The following SDK1 variants were observed in gnomAD, a reference collection of about 807,000 sequenced individuals.
The protein encoded by SDK1 is sidekick cell adhesion molecule 1, also known as protein sidekick-1.
In SDK1, 157 loss-of-function variants were observed where a neutral mutation model predicts 245.5. The observed-to-expected ratio is 0.64, with a 90% confidence interval of 0.56 to 0.73. SDK1 has a LOEUF of 0.73. Ranked by LOEUF, SDK1 falls within the 30% of genes least tolerant of loss-of-function variation. SDK1 has a pLI of 0.00. For missense variants in SDK1, 3,583 were observed against 3,002.3 expected (o/e 1.19, Z -4.52); for synonymous variants, 1,647 against 1,278.5 (o/e 1.29, Z -6.15).
At chr7:4,259,167 A>G (rs1471472175) in intron 44 of SDK1, among the ~76,000 whole-genome samples, 1 of 152,200 alleles carries the variant, frequency 6.6e-6, no homozygotes, top group African/African-American at 2.4e-5. Context: ...GGCCAGGTGC[A>G]GGGGCTCACA....
chr7:4,261,994 A>T (rs1354025048), intron 44 of SDK1, among the ~76,000 whole-genome samples: 2 of 145,672 alleles, frequency 1.4e-5, no homozygotes, highest in African/African-American at 5.1e-5. Context: ...GGAAAAAAAA[A>T]TCAATTTCAC....
At chr7:3,354,911 A>T (rs1001524538) in intron 1 of SDK1, among the ~76,000 whole-genome samples, 1 of 152,232 alleles carries the variant, frequency 6.6e-6, no homozygotes, top group East Asian at 1.9e-4. Context: ...GTAACAATAG[A>T]TGCTTAAAAT....
At chr7:3,947,587 G>A (rs1271304931) in intron 5 of SDK1, among the ~76,000 whole-genome samples, 1 of 148,158 alleles carries the variant, frequency 6.7e-6, no homozygotes, top group Non-Finnish European at 1.5e-5. Flanking sequence ...TGTAAACATG[G>A]GGTTTCACTA....
intron 1 of SDK1, among the ~76,000 whole-genome samples, chr7:3,355,635 C>T (rs1383444418): frequency 1.3e-5 from 2 of 152,174 alleles, no homozygotes; most frequent in East Asian, 3.8e-4. Flanking sequence ...GAAATAGAAG[C>T]CATCACTGGG....
At chr7:3,891,801 A>G (rs1024359373) in intron 5 of SDK1, among the ~76,000 whole-genome samples, 1 of 152,226 alleles carries the variant, frequency 6.6e-6, no homozygotes, top group East Asian at 1.9e-4. Context: ...TTCACGGCCA[A>G]CCTTAATTTG....
chr7:3,529,802 A>G (rs770064188), intron 1 of SDK1, among the ~76,000 whole-genome samples: 7 of 152,168 alleles, frequency 4.6e-5, no homozygotes, highest in East Asian at 1.9e-4. Context: ...GGGGTGGGCT[A>G]TGCTCACATC....
intron 15 of SDK1, among the ~76,000 whole-genome samples, chr7:4,011,416 C>G (rs1785952266): frequency 6.6e-6 from 1 of 152,206 alleles, no homozygotes; most frequent in Non-Finnish European, 1.5e-5. Flanking sequence ...ATTCAGAGCT[C>G]ACATGTTTTC....
At chr7:3,823,736 G>A (rs1245714681) in intron 5 of SDK1, among the ~76,000 whole-genome samples, 2 of 152,134 alleles carry the variant, frequency 1.3e-5, no homozygotes, top group African/African-American at 4.8e-5. Flanking sequence ...GAGATACAAG[G>A]CAGTTGATGA....
chr7:4,139,497 G>GTGTATA (rs1299879392), intron 28 of SDK1, among the ~76,000 whole-genome samples: 1 of 140,700 alleles, frequency 7.1e-6, no homozygotes, highest in Non-Finnish European at 1.5e-5. Context: ...GTATATATGT[G>GTGTATA]TGTGTGTATA....
intron 5 of SDK1, among the ~76,000 whole-genome samples, chr7:3,938,488 A>G (rs909235929): frequency 3.3e-5 from 5 of 151,952 alleles, no homozygotes; most frequent in Non-Finnish European, 7.4e-5. Flanking sequence ...TAAAAATACA[A>G]AAACAAAATT....
At chr7:4,198,939 G>C (rs1267168934) in intron 35 of SDK1, among the ~76,000 whole-genome samples, 1 of 151,642 alleles carries the variant, frequency 6.6e-6, no homozygotes, top group Non-Finnish European at 1.5e-5. Context: ...TCAGCCTCCA[G>C]AGTAGCTGAA....
intron 5 of SDK1, among the ~76,000 whole-genome samples, chr7:3,846,432 T>C (rs1227895815): frequency 6.6e-6 from 1 of 152,170 alleles, no homozygotes; most frequent in Admixed American, 6.5e-5. Context: ...TGATAGGTCA[T>C]TTCTGAAAAG....
intron 1 of SDK1, among the ~76,000 whole-genome samples, chr7:3,356,433 C>A (rs6947525): frequency 0.6 from 91,093 of 151,902 alleles, 28,368 homozygotes; most frequent in African/African-American, 0.78. Context: ...TGTTCCATGA[C>A]CTTATCCCCA....
intron 2 of SDK1, 79 bp downstream of exon 2, chr7:3,619,318 CAAT>C: frequency 1.7e-6 from 2 of 1,191,984 alleles, no homozygotes; most frequent in Admixed American, 4.0e-5. Flanking sequence ...CATAATAGCA[CAAT>C]GAGTGAAAAT....
At chr7:4,251,283 C>G (rs1787274831) in intron 44 of SDK1, among the ~76,000 whole-genome samples, 1 of 152,180 alleles carries the variant, frequency 6.6e-6, no homozygotes, top group Non-Finnish European at 1.5e-5. Flanking sequence ...ATTCAGCACA[C>G]AACATCCTCA....
In SDK1 at chr7:4,237,636, C is replaced by CT; in HGVS notation, c.5993-7dup. 1 of 1,614,154 alleles carries CT rather than the reference C, an allele frequency of 6.2e-7. No homozygotes were observed. Among genetic ancestry groups the CT allele is most frequent in the Non-Finnish European group, 8.5e-7 (1 of 1,180,004 alleles). On this transcript the variant is annotated splice_polypyrimidine_tract_variant and intron_variant, in intron 41 of 44. Transcript: ENST00000404826. Reference sequence around the variant, plus strand: ...GCCCCATGTCATTGTGTGTCCGTGTCTTTTCCACAGCTCAAGTGGAAGCCC... The same window carrying CT: ...GCCCCATGTCATTGTGTGTCCGTGTCTTTTTCCACAGCTCAAGTGGAAGCCC...
chr7:3,313,171 G>A (rs1705874091), intron 1 of SDK1, among the ~76,000 whole-genome samples: 1 of 152,202 alleles, frequency 6.6e-6, no homozygotes, highest in Admixed American at 6.5e-5. Flanking sequence ...CACTTTGGGA[G>A]GCCAAGGTGG....
At chr7:3,426,197 G>A (rs1224419029) in intron 1 of SDK1, among the ~76,000 whole-genome samples, 2 of 152,200 alleles carry the variant, frequency 1.3e-5, no homozygotes, top group Non-Finnish European at 2.9e-5. Flanking sequence ...GAGGAGGGCA[G>A]TGCTGGTCCT....
intron 35 of SDK1, among the ~76,000 whole-genome samples, chr7:4,201,003 G>A (rs930250645): frequency 2.0e-5 from 3 of 152,198 alleles, no homozygotes; most frequent in Admixed American, 6.5e-5. Flanking sequence ...CTCATGTAGG[G>A]ACCTGAAGCT....
Sources: gnomAD v4.1 joint callset for allele counts (sites outside exome capture counted in the v4.1 genomes callset) on GRCh38, gnomAD v4.1.1 for gene constraint, MANE v1.5 for transcripts, NCBI Gene and HGNC (gene_info 2026-07-23, HGNC 2026-07-21) for gene names.